Variants in KIF1A observed in about 807,000 individuals in gnomAD.
The protein encoded by KIF1A is kinesin family member 1A.
Under a neutral mutation model 227.3 loss-of-function variants are expected in KIF1A, and 46 were observed. That is an observed-to-expected ratio of 0.20 (90% CI 0.16 to 0.26). KIF1A has a LOEUF of 0.26. Ranked by LOEUF, KIF1A falls within the 10% of genes least tolerant of loss-of-function variation. The probability of loss-of-function intolerance (pLI) is 1.00; values close to 1 mark genes in which losing one functional copy is unlikely to be tolerated. For synonymous variants in KIF1A, 1,022 were observed against 1,012.8 expected, an observed-to-expected ratio of 1.01 and a Z score of -0.17; for missense variants, 1,683 against 2,485.9, an observed-to-expected ratio of 0.68 and a Z score of 6.87.
chr2:240,736,501 A>G lies in KIF1A; in HGVS notation c.4007+562T>C, dbSNP rs1408103048. The stretch of plus-strand genomic sequence containing the variant: ...TCCCCTAACCCCAGCAGACCCCGAT[A>G]GGGCTGCCACAGACATCCCAGAGCG... On this transcript the variant is annotated intron_variant, in intron 38 of 48. Coordinates refer to ENST00000498729, the MANE Select transcript of KIF1A (RefSeq NM_001244008.2). This position sits in a 1 kb window ranked among gnomAD's most constrained non-coding sequence, Gnocchi z 4.7. Among the ~76,000 whole-genome samples, 1 of 152,176 alleles carries G rather than the reference A, an allele frequency of 6.6e-6. No homozygotes were observed. The highest frequency in any genetic ancestry group is 1.5e-5 in the Non-Finnish European group (1 of 68,032).
Position 240,774,171 on chromosome 2 carries a change from T to C in KIF1A, c.1037+12A>G, listed in dbSNP as rs1427095008. The C allele has an allele frequency of 1.3e-6, 2 of 1,561,082 alleles. No individual in the cohort carries two copies. The highest frequency in any genetic ancestry group is 1.4e-5 in the African/African-American group (1 of 73,626). ...GAGCGGGAAGCAGAGCTTGTCTCCC[T>C]GGAGAACTCACCTCAGCGTGCTAAG... On this transcript the variant is annotated intron_variant, in intron 12 of 48. Coordinates refer to ENST00000498729, the MANE Select transcript of KIF1A (RefSeq NM_001244008.2).
chr2:240,782,698 C>A (rs2054229764), intron 9 of KIF1A, 91 bp from the exon 10 acceptor site: 1 of 1,355,296 alleles, frequency 7.4e-7, no homozygotes, highest in African/African-American at 1.4e-5. Flanking sequence ...GGCTGCCTCG[C>A]CCTGGCCATG....
At position 240,721,867 on chromosome 2, in the gene KIF1A, C is replaced by T. The variant is rs370908366; in HGVS notation, c.4683G>A (p.Thr1561=). ...GTGTGTACTCTCTGTTGAATGTGTG[C>T]GTGAGCAGGCGCAAGCACTGTGGAC... is the stretch of plus-strand genomic sequence containing the variant. ...ELAVKCLRLL[T]HTFNREYTHS... The change falls in exon 44 of 49, where the codon ACG becomes ACA. Residue 1561 remains threonine (T), a synonymous_variant. Coordinates refer to ENST00000498729, the MANE Select transcript of KIF1A (RefSeq NM_001244008.2). 38 of 1,606,088 alleles carry T rather than the reference C, an allele frequency of 2.4e-5. No homozygotes were observed. Among genetic ancestry groups the T allele is most frequent in the Middle Eastern group, 3.3e-4 (2 of 6,058 alleles).
At chr2:240,720,810 C>T in intron 45 of KIF1A, 104 bp downstream of exon 45, 1 of 1,380,284 alleles carries the variant, frequency 7.2e-7, no homozygotes, top group Non-Finnish European at 9.6e-7. Flanking sequence ...AGGCACTCGG[C>T]CATTGGGGCC....
chr2:240,769,530 C>G (rs933446925), intron 16 of KIF1A, 97 bp downstream of exon 16: 1 of 1,017,106 alleles, frequency 9.8e-7, no homozygotes, highest in Non-Finnish European at 1.5e-6. Context: ...GTGCAGGTGC[C>G]CAGCACTGGA....
chr2:240,808,650 G>A (rs1331705470), intron 1 of KIF1A, among the ~76,000 whole-genome samples: 1 of 151,888 alleles, frequency 6.6e-6, no homozygotes. Flanking sequence ...TCCAGGCTGG[G>A]CAACAGAGCA....
At position 240,789,071 on chromosome 2, in the gene KIF1A, C is replaced by G. The variant is rs987878191; in HGVS notation, c.183+165G>C. On this transcript the variant is annotated intron_variant, in intron 3 of 48. Coordinates refer to ENST00000498729, the MANE Select transcript of KIF1A (RefSeq NM_001244008.2). The surrounding 1 kb of genome is among the most constrained non-coding windows in gnomAD (Gnocchi z 4.8). ...CCCTCAGTTCCTGCAGCCTCCATCA[C>G]TGCCTTCGCTGAGGACCGCTCAGGG... Among the ~76,000 whole-genome samples the G allele has an allele frequency of 6.6e-6, 1 of 152,208 alleles. No individual in the cohort carries two copies. Among genetic ancestry groups the G allele is most frequent in the African/African-American group, 2.4e-5 (1 of 41,448 alleles).
chr2:240,745,596 G>T, intron 31 of KIF1A, 79 bp from the exon 32 acceptor site: 2 of 1,478,700 alleles, frequency 1.4e-6, no homozygotes, highest in South Asian at 1.2e-5. Flanking sequence ...CACCTCACAC[G>T]AGGGCGCTGG....
chr2:240,761,351 G>C lies in KIF1A; in HGVS notation c.2143C>G (p.Leu715Val), dbSNP rs775705762. The C allele has an allele frequency of 1.9e-6, 3 of 1,612,904 alleles. No homozygotes were observed. The highest frequency in any genetic ancestry group is 3.3e-5 in the Admixed American group (2 of 59,980). Residue 715 changes from leucine (L) to valine (V), a missense_variant, in exon 24 of 49, where the codon CTG becomes GTG. Leu to Val is a conservative substitution (Grantham distance 32, BLOSUM62 1). Transcript: ENST00000498729. The part of the protein sequence containing the change: ...EVQWTERECE[L>V]ALWAFRKWKW... The stretch of plus-strand genomic sequence containing the variant: ...CACTTCCGGAAGGCCCAGAGCGCCA[G>C]CTCACACTCCCGCTCTGTCCACTGG...
chr2:240,748,964 TA>T (rs1207576873), intron 28 of KIF1A, among the ~76,000 whole-genome samples: 1 of 151,660 alleles, frequency 6.6e-6, no homozygotes, highest in Non-Finnish European at 1.5e-5. Flanking sequence ...CTACTAAAAA[TA>T]AAAAAATTAG....
chr2:240,767,214 G>T, intron 18 of KIF1A, 52 bp downstream of exon 18: 2 of 1,493,004 alleles, frequency 1.3e-6, no homozygotes, highest in Non-Finnish European at 9.3e-7. Flanking sequence ...GCCTTCCCCT[G>T]CCAGATCCCA....
At chr2:240,720,639 T>C in intron 45 of KIF1A, 1 of 310,300 alleles carries the variant, frequency 3.2e-6, no homozygotes, top group Non-Finnish European at 6.0e-6. Context: ...AAGCACTGTC[T>C]CAGGAAAGGG....
At chr2:240,720,645 A>C in intron 45 of KIF1A, 1 of 316,918 alleles carries the variant, frequency 3.2e-6, no homozygotes, top group African/African-American at 2.1e-5. Context: ...TGTCTCAGGA[A>C]AGGGGAGCTT....
At chr2:240,767,075 C>G (rs1047782279) in intron 18 of KIF1A, 54 bp from the exon 19 acceptor site, 5 of 1,394,824 alleles carry the variant, frequency 3.6e-6, no homozygotes, top group Non-Finnish European at 4.0e-6. Flanking sequence ...ACACCCAGGA[C>G]GCCACCCACT....
intron 1 of KIF1A, among the ~76,000 whole-genome samples, chr2:240,805,349 T>C (rs1020449957): frequency 1.3e-5 from 2 of 152,140 alleles, no homozygotes; most frequent in African/African-American, 4.8e-5. Flanking sequence ...CTTTTAGAAA[T>C]AAAATGTAAT....
intron 9 of KIF1A, 50 bp from the exon 10 acceptor site, chr2:240,782,657 C>A: frequency 6.5e-7 from 1 of 1,547,272 alleles, no homozygotes; most frequent in Non-Finnish European, 8.7e-7. Flanking sequence ...GAAGCTGGCG[C>A]GGGCTGTGGG....
At chr2:240,731,549 G>A (rs920559829) in intron 38 of KIF1A, among the ~76,000 whole-genome samples, 3 of 152,234 alleles carry the variant, frequency 2.0e-5, no homozygotes, top group Admixed American at 6.5e-5. Context: ...TGGCCCTGGA[G>A]GTCGCTGTCC....
chr2:240,724,635 G>A (rs1458428772), intron 40 of KIF1A: 1 of 159,742 alleles, frequency 6.3e-6, no homozygotes, highest in East Asian at 1.9e-4. Flanking sequence ...GGCCACGGGT[G>A]CCCGGTAGCC....
At position 240,758,312 on chromosome 2, in the gene KIF1A, T is replaced by C. The variant is rs1373050064; in HGVS notation, c.2582+48A>G. ...GCCCACTCCTACCCCCACTGCCATC[T>C]CTCTCTCTCAATCTCTCTCTCTGCC... On this transcript the variant is annotated intron_variant, in intron 26 of 48. Transcript: ENST00000498729. This position sits in a 1 kb window ranked among gnomAD's most constrained non-coding sequence, Gnocchi z 5.2. 2 of 1,578,322 alleles carry C rather than the reference T, an allele frequency of 1.3e-6. No individual in the cohort carries two copies. Among genetic ancestry groups the C allele is most frequent in the Non-Finnish European group, 1.7e-6 (2 of 1,161,450 alleles).
Sources: allele counts gnomAD v4.1 joint callset (sites outside exome capture counted in the v4.1 genomes callset), GRCh38; gene constraint gnomAD v4.1.1; non-coding constraint Gnocchi (gnomAD v3.1); transcripts MANE v1.5; gene names NCBI Gene and HGNC (gene_info 2026-07-23, HGNC 2026-07-21).